The following SETD7 variants were observed in gnomAD, a reference collection of about 807,000 sequenced individuals.
SETD7 encodes histone-lysine N-methyltransferase SETD7.
Under a neutral mutation model 41.8 loss-of-function variants are expected in SETD7, and 16 were observed. That is an observed-to-expected ratio of 0.38 (90% CI 0.26 to 0.58). SETD7 has a LOEUF of 0.58. Among genes scored for constraint, SETD7 ranks in the 20% least tolerant of loss-of-function variants. The pLI, the probability that SETD7 is intolerant of heterozygous loss-of-function variation, is 0.64. For synonymous variants in SETD7, 163 were observed against 169.7 expected (o/e 0.96, Z 0.31); for missense variants, 346 against 459.7 (o/e 0.75, Z 2.26).
chr4:139,555,512 G>A lies in SETD7; in HGVS notation c.40+586C>T, dbSNP rs1029089465. ...GAGTCCCGGGTCGGGAGACTTGTCCGTCGCCCGACAATGATTTCATCTTTT... is the reference window on the plus strand; with the variant it reads ...GAGTCCCGGGTCGGGAGACTTGTCCATCGCCCGACAATGATTTCATCTTTT... On this transcript the variant is annotated intron_variant, in intron 1 of 7. Transcript: ENST00000274031. The surrounding 1 kb of genome is among the most constrained non-coding windows in gnomAD (Gnocchi z 4.0). Among the ~76,000 whole-genome samples, 29 of 152,092 alleles carry A rather than the reference G, an allele frequency of 1.9e-4. No individual in the cohort carries two copies. The highest frequency in any genetic ancestry group is 7.0e-4 in the African/African-American group (29 of 41,424).
At chr4:139,525,524 T>TA (rs147899153) in intron 4 of SETD7, among the ~76,000 whole-genome samples, 5,371 of 152,254 alleles carry the variant, frequency 0.035, 314 homozygotes, top group African/African-American at 0.12. Flanking sequence ...GAGTAGGAAT[T>TA]AGCCAAGGAA....
intron 7 of SETD7, among the ~76,000 whole-genome samples, chr4:139,500,977 T>C (rs1726561772): frequency 6.6e-6 from 1 of 152,122 alleles, no homozygotes; most frequent in Non-Finnish European, 1.5e-5. Flanking sequence ...CCCCTCAGCC[T>C]GAAATGTTTC....
At chr4:139,546,091 G>T (rs1168183462) in intron 2 of SETD7, among the ~76,000 whole-genome samples, 1 of 152,186 alleles carries the variant, frequency 6.6e-6, no homozygotes, top group Non-Finnish European at 1.5e-5. Flanking sequence ...CGAGTAAGGA[G>T]CCTCTCCCTC....
intron 6 of SETD7, among the ~76,000 whole-genome samples, chr4:139,518,617 A>G (rs1727096361): frequency 6.6e-6 from 1 of 152,226 alleles, no homozygotes; most frequent in Non-Finnish European, 1.5e-5. Flanking sequence ...ACACACAAAT[A>G]TAACTGGATA....
downstream of SETD7, among the ~76,000 whole-genome samples, chr4:139,494,168 C>A (rs758243146): frequency 1.3e-5 from 2 of 152,104 alleles, no homozygotes; most frequent in Admixed American, 1.3e-4. Flanking sequence ...GTGAAATAGA[C>A]GAGGCAAGTC....
At chr4:139,498,340 A>G (rs1280484058) in intron 7 of SETD7, among the ~76,000 whole-genome samples, 3 of 152,040 alleles carry the variant, frequency 2.0e-5, no homozygotes, top group Non-Finnish European at 4.4e-5. Flanking sequence ...ACTCCAAGCC[A>G]CCATTACCCC....
chr4:139,528,211 T>C (rs1292381906), intron 4 of SETD7, among the ~76,000 whole-genome samples: 2 of 152,244 alleles, frequency 1.3e-5, no homozygotes, highest in Non-Finnish European at 2.9e-5. Flanking sequence ...AAATGTTTAG[T>C]GTGACATGTG....
At chr4:139,517,633 C>T (rs530049969) in intron 7 of SETD7, among the ~76,000 whole-genome samples, 4 of 152,302 alleles carry the variant, frequency 2.6e-5, no homozygotes, top group South Asian at 2.1e-4. Context: ...AGCAACCCCT[C>T]GGTGTGGTAT....
chr4:139,554,135 C>T (rs1226723450), intron 1 of SETD7, among the ~76,000 whole-genome samples: 1 of 152,174 alleles, frequency 6.6e-6, no homozygotes, highest in African/African-American at 2.4e-5. Context: ...AAGCTACCTG[C>T]CCCAGCATCA....
chr4:139,514,144 G>C, intron 7 of SETD7, among the ~76,000 whole-genome samples: 1 of 152,104 alleles, frequency 6.6e-6, no homozygotes, highest in Non-Finnish European at 1.5e-5. Context: ...ATTAGCCAGG[G>C]GTGGTGGTGT....
intron 3 of SETD7, among the ~76,000 whole-genome samples, chr4:139,530,561 C>T (rs1727456038): frequency 6.6e-6 from 1 of 152,098 alleles, no homozygotes; most frequent in Admixed American, 6.5e-5. Context: ...GCAAGATCTG[C>T]TTTCAGGCTT....
intron 2 of SETD7, among the ~76,000 whole-genome samples, chr4:139,538,989 A>G (rs551017837): frequency 6.6e-6 from 1 of 152,202 alleles, no homozygotes; most frequent in African/African-American, 2.4e-5. Context: ...GAAATGGATA[A>G]ATTTTATAGT....
intron 2 of SETD7, among the ~76,000 whole-genome samples, chr4:139,533,635 T>C (rs2111153958): frequency 6.6e-6 from 1 of 152,328 alleles, no homozygotes; most frequent in Admixed American, 6.5e-5. Flanking sequence ...AAAAAGCTAC[T>C]GATGGAAACT....
chr4:139,538,198 T>A (rs1727690939), intron 2 of SETD7, among the ~76,000 whole-genome samples: 1 of 151,952 alleles, frequency 6.6e-6, no homozygotes, highest in African/African-American at 2.4e-5. Flanking sequence ...TGGAAGAAAA[T>A]AAATACCTCT....
chr4:139,527,959 T>C (rs996298155), intron 4 of SETD7, among the ~76,000 whole-genome samples: 4 of 152,238 alleles, frequency 2.6e-5, no homozygotes, highest in Non-Finnish European at 5.9e-5. Context: ...CCTTTGGAGA[T>C]TCTTCTTCAG....
intron 3 of SETD7, 168 bp downstream of exon 3, chr4:139,532,997 C>G: frequency 1.6e-6 from 1 of 631,270 alleles, no homozygotes; most frequent in Non-Finnish European, 2.8e-6. Context: ...CAATCTAAGC[C>G]AATAGTGAGT....
chr4:139,500,112 T>C (rs1374701324), intron 7 of SETD7, among the ~76,000 whole-genome samples: 2 of 152,228 alleles, frequency 1.3e-5, no homozygotes, highest in Non-Finnish European at 1.5e-5. Context: ...CCTTTTGATT[T>C]TGAGTTGATT....
At position 139,506,043 on chromosome 4, in the gene SETD7, G is replaced by A. The variant is rs1560672361; in HGVS notation, c.*5620C>T. 1 of 152,610 alleles carries A rather than the reference G, an allele frequency of 6.6e-6. No individual in the cohort carries two copies. Among genetic ancestry groups the A allele is most frequent in the African/African-American group, 2.4e-5 (1 of 41,442 alleles). The allele number at this position is 152,610 out of a possible 1,614,324, so 9.5% of individuals were successfully genotyped here. ...CAAAGGAAGACAATGACAGATGATT[G>A]TATATTTTGTTTAATACTTGCATTG... On this transcript the variant is annotated 3_prime_UTR_variant, in exon 8 of 8. Transcript: ENST00000274031.
At chr4:139,553,506 G>C (rs1728169997) in intron 1 of SETD7, among the ~76,000 whole-genome samples, 1 of 152,198 alleles carries the variant, frequency 6.6e-6, no homozygotes, top group African/African-American at 2.4e-5. Context: ...AAAAAATGTA[G>C]GAAGACAGTT....
Sources: allele counts gnomAD v4.1 joint callset (sites outside exome capture counted in the v4.1 genomes callset), GRCh38; gene constraint gnomAD v4.1.1; non-coding constraint Gnocchi (gnomAD v3.1); transcripts MANE v1.5; gene names NCBI Gene and HGNC (gene_info 2026-07-23, HGNC 2026-07-21).